The following DPF3 variants were observed in gnomAD, a reference collection of about 807,000 sequenced individuals.
DPF3 encodes the protein double PHD fingers 3.
Under a neutral mutation model 56.8 loss-of-function variants are expected in DPF3, and 18 were observed. That is an observed-to-expected ratio of 0.32 (90% confidence interval 0.22 to 0.47). The LOEUF is 0.47. Among genes scored for constraint, DPF3 ranks in the 20% least tolerant of loss-of-function variants. The pLI is 1.00. For synonymous variants in DPF3, 188 were observed against 180.2 expected (o/e 1.04, Z -0.35); for missense variants, 403 against 488.8 (o/e 0.82, Z 1.65).
At position 72,774,114 on chromosome 14, in the gene DPF3, G is replaced by A. The variant is rs147600351; in HGVS notation, c.33-2221C>T. Among the ~76,000 whole-genome samples, 49 of 151,928 alleles carry A rather than the reference G, an allele frequency of 3.2e-4. No individual in the cohort carries two copies. In the East Asian group the frequency reaches 4.7e-3, roughly 14 times the overall value. On this transcript the variant is annotated intron_variant, in intron 1 of 10. Transcript: ENST00000556509. ...AGCCTGGCCAACATGGTGACACCCC[G>A]TCTCTACTAAAAATACAAAAATTAG...
chr14:72,879,048 A>T (rs1030949962), intron 1 of DPF3, among the ~76,000 whole-genome samples: 1 of 152,184 alleles, frequency 6.6e-6, no homozygotes, highest in Non-Finnish European at 1.5e-5. Flanking sequence ...ACTATTCCCC[A>T]CACGTTTCCT....
Position 72,876,334 on chromosome 14 carries a change from C to A in DPF3, c.32+17723G>T, listed in dbSNP as rs531895507. ...AAACCAAGGACGGGGTCCAGTTCAA[C>A]CCCTTAGTGAGAGGGAAGACTGGAG... is the stretch of plus-strand genomic sequence containing the variant. On this transcript the variant is annotated intron_variant, in intron 1 of 10. Transcript: ENST00000556509. Among the ~76,000 whole-genome samples the A allele has an allele frequency of 6.6e-5, 10 of 152,270 alleles. No individual in the cohort carries two copies. In the South Asian group the frequency reaches 2.1e-3, roughly 32 times the overall value.
intron 6 of DPF3, among the ~76,000 whole-genome samples, chr14:72,702,534 C>T (rs991768164): frequency 7.2e-5 from 11 of 152,150 alleles, no homozygotes; most frequent in Admixed American, 2.0e-4. Context: ...CACATCCTGC[C>T]GGATACCATT....
chr14:72,837,117 C>T (rs758772897), intron 1 of DPF3, among the ~76,000 whole-genome samples: 10 of 151,838 alleles, frequency 6.6e-5, no homozygotes, highest in South Asian at 2.1e-4. Context: ...GTGATCCACC[C>T]GTCTCGGCCA....
chr14:72,634,334 G>A (rs1024615923), intron 8 of DPF3, among the ~76,000 whole-genome samples: 1 of 152,136 alleles, frequency 6.6e-6, no homozygotes, highest in South Asian at 2.1e-4. Flanking sequence ...GAAATCATTT[G>A]CCAGACAAAA....
In DPF3 at chr14:72,719,343, G is replaced by A. The variant is rs183394761; in HGVS notation, c.525+4290C>T. Among the ~76,000 whole-genome samples the A allele has an allele frequency of 2.0e-5, 3 of 151,864 alleles. No individual in the cohort carries two copies. In the East Asian group the frequency reaches 5.8e-4, roughly 29 times the overall value. ...TTCCCAAAGTGCTGGGATTACAGTT[G>A]TGAGCCACCGCACCCAGCCTACACC... On this transcript the variant is annotated intron_variant, in intron 5 of 10. Transcript: ENST00000556509.
chr14:72,752,308 C>T (rs1001995698), intron 3 of DPF3, among the ~76,000 whole-genome samples: 6 of 152,178 alleles, frequency 3.9e-5, no homozygotes, highest in Admixed American at 1.3e-4. Context: ...GGGGTAATCA[C>T]TTGGCTTGCT....
chr14:72,724,150 C>G (rs535233298), intron 4 of DPF3: 1 of 157,716 alleles, frequency 6.3e-6, no homozygotes, highest in East Asian at 1.9e-4. Flanking sequence ...CCTGCCCTGT[C>G]TGATGAAAGC....
At chr14:72,778,976 C>A (rs1891860173) in intron 1 of DPF3, among the ~76,000 whole-genome samples, 1 of 152,226 alleles carries the variant, frequency 6.6e-6, no homozygotes, top group African/African-American at 2.4e-5. Flanking sequence ...CCAGCAAGTA[C>A]CATTCACATC....
Position 72,657,557 on chromosome 14 carries a change from T to A in DPF3, c.871+16683A>T, listed in dbSNP as rs1292665938. ...TTTACAGTACTGATCATGAAATGCA[T>A]CAGTAGCCTTTCACCTGGTAATGTG... On this transcript the variant is annotated intron_variant, in intron 8 of 10. Transcript: ENST00000556509. 2.0e-5 allele frequency among the ~76,000 whole-genome samples: 3 copies of A among 152,184 alleles called. No homozygotes were observed. In the East Asian group the frequency reaches 5.8e-4, roughly 29 times the overall value.
In DPF3 at chr14:72,714,446, T is replaced by C. The variant is rs1371917384; in HGVS notation, c.581A>G (p.His194Arg). 6.2e-7 allele frequency: 1 copy of C among 1,613,740 alleles called. No homozygotes were observed. The highest frequency in any genetic ancestry group is 8.5e-7 in the Non-Finnish European group (1 of 1,179,822). ...ACTGTCACAGACGTAAGGTTTGTCGTGGTCTTCCTGAGAGGCGGCGTCGTG... is the reference window on the plus strand; with the variant it reads ...ACTGTCACAGACGTAAGGTTTGTCGCGGTCTTCCTGAGAGGCGGCGTCGTG... ...RRHDAASQED[H>R]DKPYVCDICG... is the part of the protein sequence containing the mutation. Residue 194 changes from histidine to arginine, a missense_variant, in exon 6 of 11, where the codon CAC becomes CGC. Around this residue, in one of 2 missense-constraint regions of DPF3, gnomAD observed 340 missense variants for 374.3 expected, o/e 0.91. Transcript: ENST00000556509.
At chr14:72,710,303 G>A (rs73298196) in intron 6 of DPF3, among the ~76,000 whole-genome samples, 5,275 of 152,306 alleles carry the variant, frequency 0.035, 305 homozygotes, top group African/African-American at 0.12. Context: ...GCGATTAAGT[G>A]AATTAAAAAT....
intron 8 of DPF3, among the ~76,000 whole-genome samples, chr14:72,643,965 C>A (rs1885637937): frequency 6.6e-6 from 1 of 152,140 alleles, no homozygotes; most frequent in Admixed American, 6.5e-5. Context: ...TCCTTTCAAT[C>A]CTTTTCCCCC....
At chr14:72,651,527 A>AGATGG (rs1885908201) in intron 8 of DPF3, among the ~76,000 whole-genome samples, 2 of 152,318 alleles carry the variant, frequency 1.3e-5, no homozygotes, top group African/African-American at 2.4e-5. Flanking sequence ...TCAGGAAGAC[A>AGATGG]GGGGGATGGA....
At chr14:72,822,967 G>A (rs1207080104) in intron 1 of DPF3, among the ~76,000 whole-genome samples, 1 of 152,214 alleles carries the variant, frequency 6.6e-6, no homozygotes, top group Non-Finnish European at 1.5e-5. Context: ...TTTCCCAGAA[G>A]CCCTCGCTCC....
At chr14:72,709,857 G>A (rs950251805) in intron 6 of DPF3, among the ~76,000 whole-genome samples, 5 of 152,136 alleles carry the variant, frequency 3.3e-5, no homozygotes, top group African/African-American at 4.8e-5. Context: ...TTAGCCTAGC[G>A]CTCTACACAC....
intron 6 of DPF3, among the ~76,000 whole-genome samples, chr14:72,713,282 G>C (rs908987088): frequency 1.6e-4 from 25 of 152,254 alleles, no homozygotes; most frequent in African/African-American, 6.0e-4. Flanking sequence ...CATGGAGTTT[G>C]AGTTCTTCTA....
chr14:72,731,701 G>T, intron 4 of DPF3, 106 bp downstream of exon 4: 1 of 1,477,318 alleles, frequency 6.8e-7, no homozygotes, highest in Non-Finnish European at 9.2e-7. Flanking sequence ...CTGAGACTGA[G>T]CCCCGGCCCT....
intron 1 of DPF3, among the ~76,000 whole-genome samples, chr14:72,788,370 G>A (rs536348006): frequency 5.3e-5 from 8 of 152,186 alleles, no homozygotes; most frequent in South Asian, 2.1e-4. Context: ...GAGGAGGGCC[G>A]GGCAGGGCAG....
Sources: allele counts gnomAD v4.1 joint callset (sites outside exome capture counted in the v4.1 genomes callset), GRCh38; gene constraint gnomAD v4.1.1; regional missense constraint gnomAD v4.1.1; transcripts MANE v1.5; gene names NCBI Gene and HGNC (gene_info 2026-07-23, HGNC 2026-07-21).